The following ST3GAL6 variants were observed in gnomAD, a reference collection of about 807,000 sequenced individuals.
The protein encoded by ST3GAL6 is type 2 lactosamine alpha-2,3-sialyltransferase.
A neutral mutation model predicts 40.5 loss-of-function variants in ST3GAL6; 31 were observed. The observed-to-expected ratio is 0.77, with a 90% CI of 0.58 to 1.03. ST3GAL6 has a LOEUF of 1.03. Ranked by LOEUF, ST3GAL6 falls within the 50% of genes least tolerant of loss-of-function variation. ST3GAL6 has a pLI of 0.00. For synonymous variants in ST3GAL6, 129 were observed against 136.9 expected (o/e 0.94, Z 0.40); for missense variants, 357 against 393.2 (o/e 0.91, Z 0.78).
In ST3GAL6 at chr3:98,790,859, A is replaced by G. The variant is rs185602504; in HGVS notation, c.757-982A>G. On this transcript the variant is annotated intron_variant, in intron 8 of 9. Coordinates refer to ENST00000483910, the MANE Select transcript of ST3GAL6 (RefSeq NM_001323368.2). ...AAGGGGCAAGGAGAAGGAAAAAGCA[A>G]TGGGATCAATGAGGCTGAATGACTC... 2.0e-4 allele frequency among the ~76,000 whole-genome samples: 30 copies of G among 152,262 alleles called. No homozygotes were observed. In the East Asian group the frequency reaches 5.0e-3, roughly 25 times the overall value.
chr3:98,773,059 G>T (rs1372577795), intron 4 of ST3GAL6, 143 bp downstream of exon 4: 1 of 533,664 alleles, frequency 1.9e-6, no homozygotes, highest in Middle Eastern at 2.9e-4. Context: ...GGAATGAAAT[G>T]AATTACATTT....
At chr3:98,768,555 A>G (rs547628612) in intron 2 of ST3GAL6, 26 bp downstream of exon 2, 1 of 1,530,912 alleles carries the variant, frequency 6.5e-7, no homozygotes, top group Admixed American at 1.7e-5. Flanking sequence ...TTATTTAAAA[A>G]TAACTCTCAA....
intron 1 of ST3GAL6, among the ~76,000 whole-genome samples, chr3:98,739,695 C>A (rs1935897754): frequency 6.6e-6 from 1 of 152,148 alleles, no homozygotes; most frequent in African/African-American, 2.4e-5. Context: ...TGTACATTTT[C>A]TATGGTTAGC....
intron 5 of ST3GAL6, chr3:98,782,559 C>A: frequency 1.8e-6 from 1 of 547,328 alleles, no homozygotes; most frequent in Non-Finnish European, 3.3e-6. Flanking sequence ...AAGTACCATG[C>A]TCTTTACTGC....
At chr3:98,775,789 C>T (rs1324754272) in intron 5 of ST3GAL6, among the ~76,000 whole-genome samples, 1 of 152,218 alleles carries the variant, frequency 6.6e-6, no homozygotes, top group Non-Finnish European at 1.5e-5. Flanking sequence ...TCCCCACCAT[C>T]ATGCTAAGTT....
chr3:98,764,547 A>G (rs1451404376), intron 1 of ST3GAL6, among the ~76,000 whole-genome samples: 1 of 152,200 alleles, frequency 6.6e-6, no homozygotes, highest in East Asian at 1.9e-4. Context: ...ATGTTCAGTA[A>G]TGTTTAGTCT....
chr3:98,786,021 G>T (rs4426625), intron 6 of ST3GAL6, among the ~76,000 whole-genome samples: 54,132 of 151,856 alleles, frequency 0.36, 9,742 homozygotes, highest in Non-Finnish European at 0.38. Flanking sequence ...CTGGAGAGTG[G>T]TATCATTTAT....
At chr3:98,739,712 C>A (rs1221002297) in intron 1 of ST3GAL6, among the ~76,000 whole-genome samples, 1 of 152,056 alleles carries the variant, frequency 6.6e-6, no homozygotes, top group African/African-American at 2.4e-5. Flanking sequence ...TAGCATAGGG[C>A]CAAAGAATAA....
rs1255885573 is a variant in ST3GAL6, at chr3:98,794,604, A to G, written c.*843A>G. On this transcript the variant is annotated 3_prime_UTR_variant, in exon 10 of 10. Transcript: ENST00000483910. ...ACAAGTAAACACTTAAGAAAAGTCA[A>G]GCTGAGGCCGGGCAGGGTGGCTCAC... 6.6e-6 allele frequency: 1 copy of G among 152,178 alleles called. No homozygotes were observed. Among genetic ancestry groups the G allele is most frequent in the Non-Finnish European group, 1.5e-5 (1 of 68,038 alleles). The allele number at this position is 152,178 out of a possible 1,614,324, so 9.4% of individuals were successfully genotyped here.
intron 5 of ST3GAL6, among the ~76,000 whole-genome samples, chr3:98,774,778 C>G (rs1040148494): frequency 1.3e-5 from 2 of 152,160 alleles, no homozygotes; most frequent in African/African-American, 4.8e-5. Flanking sequence ...AAAGTGTAGA[C>G]AGAGTTTGCC....
At chr3:98,790,150 G>A (rs1941069939) in intron 8 of ST3GAL6, among the ~76,000 whole-genome samples, 1 of 152,168 alleles carries the variant, frequency 6.6e-6, no homozygotes, top group Non-Finnish European at 1.5e-5. Context: ...TGAAGCAATA[G>A]TTGGAAGATG....
At chr3:98,786,095 T>A (rs1940676030) in intron 6 of ST3GAL6, among the ~76,000 whole-genome samples, 1 of 152,052 alleles carries the variant, frequency 6.6e-6, no homozygotes, top group Admixed American at 6.6e-5. Context: ...ACATGTTAGA[T>A]TTGAGATGCT....
chr3:98,733,349 G>T, intron 1 of ST3GAL6: 4 of 1,097,576 alleles, frequency 3.6e-6, no homozygotes, highest in Non-Finnish European at 4.4e-6. Flanking sequence ...GAGAGAATCT[G>T]CTCTGGGACC....
intron 1 of ST3GAL6, among the ~76,000 whole-genome samples, chr3:98,741,395 G>A (rs1310157463): frequency 1.3e-5 from 2 of 152,076 alleles, no homozygotes; most frequent in Non-Finnish European, 2.9e-5. Context: ...AATTTATATT[G>A]GGGAGTGGGA....
At chr3:98,754,348 A>G (rs1186506788) in intron 1 of ST3GAL6, among the ~76,000 whole-genome samples, 3 of 152,252 alleles carry the variant, frequency 2.0e-5, no homozygotes, top group Admixed American at 6.5e-5. Context: ...GAATAGCAAG[A>G]GAACTAGAAT....
chr3:98,740,450 T>C (rs1935979288), intron 1 of ST3GAL6, among the ~76,000 whole-genome samples: 1 of 152,164 alleles, frequency 6.6e-6, no homozygotes, highest in Non-Finnish European at 1.5e-5. Context: ...TTGTCCTGTT[T>C]GACGCTGTAG....
intron 1 of ST3GAL6, among the ~76,000 whole-genome samples, chr3:98,768,187 A>G (rs560184774): frequency 7.5e-4 from 114 of 152,264 alleles, no homozygotes; most frequent in Non-Finnish European, 1.3e-3. Context: ...TACCTTTGAG[A>G]CCGTGGAACT....
At chr3:98,783,039 C>T (rs1007503621) in intron 5 of ST3GAL6, 3 of 286,408 alleles carry the variant, frequency 1.0e-5, no homozygotes, top group African/African-American at 2.3e-5. Flanking sequence ...CCATCATCCC[C>T]TCCCTGAATG....
At chr3:98,768,616 A>AC (rs1434091049) in intron 2 of ST3GAL6, 87 bp downstream of exon 2, 1 of 968,690 alleles carries the variant, frequency 1.0e-6, no homozygotes, top group Non-Finnish European at 1.6e-6. Flanking sequence ...CCTATGAAAA[A>AC]AACTTGTACC....
Sources: allele counts gnomAD v4.1 joint callset (sites outside exome capture counted in the v4.1 genomes callset), GRCh38; gene constraint gnomAD v4.1.1; transcripts MANE v1.5; gene names NCBI Gene and HGNC (gene_info 2026-07-23, HGNC 2026-07-21).